The following RGS17 variants were observed in gnomAD, a reference collection of about 807,000 sequenced individuals.
RGS17 encodes regulator of G-protein signaling 17.
Under a neutral mutation model 25.5 loss-of-function variants are expected in RGS17, and 12 were observed. The ratio of observed to expected loss-of-function variants is 0.47; its 90% CI spans 0.30 to 0.76. RGS17 has a LOEUF of 0.76. RGS17 is among the 30% of genes least tolerant of loss of function. The probability of loss-of-function intolerance (pLI) is 0.07; values close to 1 mark genes in which losing one functional copy is unlikely to be tolerated. For missense variants in RGS17, 196 were observed against 242.2 expected (o/e 0.81, Z 1.27); for synonymous variants, 71 against 76.9 (o/e 0.92, Z 0.40).
rs561384330 is a variant in RGS17 at position 153,041,616 on chromosome 6, C to A, written c.119+2284G>T. On this transcript the variant is annotated intron_variant, in intron 2 of 4. Transcript: ENST00000206262. ...TCTATCTGTTCTGGTGTTTTAATCC[C>A]AAAGCAATTCAGAGATAAGTTTTGG... Among the ~76,000 whole-genome samples the A allele has an allele frequency of 2.0e-5, 3 of 152,268 alleles. No homozygotes were observed. In the East Asian group the frequency reaches 5.8e-4, roughly 29 times the overall value.
chr6:153,087,681 G>C (rs1173175680), intron 1 of RGS17, among the ~76,000 whole-genome samples: 1 of 152,142 alleles, frequency 6.6e-6, no homozygotes, highest in Non-Finnish European at 1.5e-5. Flanking sequence ...TCTCACCACT[G>C]TATGTTGGGT....
At chr6:153,031,652 G>A (rs1779364645) in intron 2 of RGS17, among the ~76,000 whole-genome samples, 1 of 152,204 alleles carries the variant, frequency 6.6e-6, no homozygotes, top group African/African-American at 2.4e-5. Flanking sequence ...ACTCTGCAAT[G>A]CCATTTCTCT....
intron 1 of RGS17, among the ~76,000 whole-genome samples, chr6:153,050,859 ATATTTGGAGATGGGG>A (rs1776452653): frequency 6.8e-6 from 1 of 148,044 alleles, no homozygotes; most frequent in African/African-American, 2.7e-5. Flanking sequence ...AAATGTAATG[ATATTTGGAGATGGGG>A]CCAAATATAA....
chr6:153,104,713 A>C (rs1308946850), intron 1 of RGS17, among the ~76,000 whole-genome samples: 1 of 151,970 alleles, frequency 6.6e-6, no homozygotes, highest in Non-Finnish European at 1.5e-5. Context: ...GGTTGGAAGG[A>C]GGAGGATGGG....
At chr6:153,112,665 G>A (rs559622397) in intron 1 of RGS17, among the ~76,000 whole-genome samples, 1 of 152,164 alleles carries the variant, frequency 6.6e-6, no homozygotes, top group East Asian at 1.9e-4. Context: ...GTTAAGGGCA[G>A]CCAGAGAAAA....
Position 153,018,797 on chromosome 6 carries a change from T to C in RGS17, c.444+5465A>G, listed in dbSNP as rs575446736. ...AGTCCAGTGCTTGGCTCATAGGAAA[T>C]AGTCAATATTTTTTGAATGATAATA... On this transcript the variant is annotated intron_variant, in intron 4 of 4. Transcript: ENST00000206262. Among the ~76,000 whole-genome samples, 18 of 152,308 alleles carry C rather than the reference T, an allele frequency of 1.2e-4. 1 individual carries two copies. The highest frequency in any genetic ancestry group is 9.8e-4 in the Admixed American group (15 of 15,296).
At chr6:153,123,239 T>C (rs1401943205) in intron 1 of RGS17, among the ~76,000 whole-genome samples, 1 of 152,108 alleles carries the variant, frequency 6.6e-6, no homozygotes, top group African/African-American at 2.4e-5. Context: ...GGTAAATTAC[T>C]GTATGGTAGT....
intron 1 of RGS17, 31 bp from the exon 2 acceptor site, chr6:153,044,074 G>GA: frequency 9.4e-7 from 1 of 1,064,494 alleles, no homozygotes; most frequent in Admixed American, 1.8e-5. Context: ...AATTGGGTAT[G>GA]AAAAAAGCAA....
In RGS17 at chr6:153,009,793, A is replaced by T. The variant is rs1016521884; in HGVS notation, c.*1781T>A. On this transcript the variant is annotated 3_prime_UTR_variant, in exon 5 of 5. Coordinates refer to ENST00000206262, the MANE Select transcript of RGS17 (RefSeq NM_012419.5). The stretch of plus-strand genomic sequence containing the variant: ...TACTCTGCAATTTTTAAAAAATCCC[A>T]TTTTGTCAAACACTGCAACAGTTAA... 5.3e-5 allele frequency: 8 copies of T among 152,068 alleles called. No homozygotes were observed. Among genetic ancestry groups the T allele is most frequent in the African/African-American group, 1.9e-4 (8 of 41,560 alleles). 9.4% of individuals were successfully genotyped at this position (152,068 alleles called of 1,614,324 possible).
chr6:153,130,481 C>CAT lies in RGS17; in HGVS notation c.-26+641_-26+642dup, dbSNP rs1222200040. On this transcript the variant is annotated intron_variant, in intron 1 of 4. Transcript: ENST00000206262. The surrounding 1 kb of genome is among the most constrained non-coding windows in gnomAD (Gnocchi z 6.4). ...CCCCCACCCCCTATACATACATACA[C>CAT]ATACACACACACACACACACACACA... Among the ~76,000 whole-genome samples, 5 of 114,070 alleles carry CAT rather than the reference C, an allele frequency of 4.4e-5. No homozygotes were observed. Among genetic ancestry groups the CAT allele is most frequent in the Non-Finnish European group, 7.3e-5 (4 of 54,664 alleles). The allele number at this position is 114,070 out of a possible 152,430, so 74.8% of individuals were successfully genotyped here. A position where few individuals can be genotyped will look rare whatever the true frequency, so the allele number is the denominator to read the frequency against.
Position 153,023,134 on chromosome 6 carries a change from G to A in RGS17, c.444+1128C>T, listed in dbSNP as rs188551896. ...TGTATATCTTATTAGAAGTGAAATC[G>A]TTTATGTAGCATTCCAAACTTAGAG... On this transcript the variant is annotated intron_variant, in intron 4 of 4. Coordinates refer to ENST00000206262, the MANE Select transcript of RGS17 (RefSeq NM_012419.5). Among the ~76,000 whole-genome samples, 27 of 152,176 alleles carry A rather than the reference G, an allele frequency of 1.8e-4. No individual in the cohort carries two copies. The East Asian group carries it at 3.7e-3, about 21-fold the overall frequency.
chr6:153,118,556 G>A (rs1215971287), intron 1 of RGS17, among the ~76,000 whole-genome samples: 1 of 152,062 alleles, frequency 6.6e-6, no homozygotes, highest in East Asian at 1.9e-4. Flanking sequence ...TAGCTAAAAC[G>A]TAGTGCTCCT....
At chr6:153,064,530 T>G (rs1246215038) in intron 1 of RGS17, among the ~76,000 whole-genome samples, 3 of 151,780 alleles carry the variant, frequency 2.0e-5, no homozygotes, top group Admixed American at 2.0e-4. Flanking sequence ...CTCGGCAGGC[T>G]GAGGCAGGAG....
intron 1 of RGS17, among the ~76,000 whole-genome samples, chr6:153,127,301 T>C (rs949746333): frequency 1.3e-5 from 2 of 152,232 alleles, no homozygotes; most frequent in Non-Finnish European, 2.9e-5. Flanking sequence ...TTCTAGAATA[T>C]GATTCAAATT....
intron 1 of RGS17, among the ~76,000 whole-genome samples, chr6:153,101,430 A>C (rs2129123468): frequency 6.6e-6 from 1 of 152,344 alleles, no homozygotes; most frequent in Non-Finnish European, 1.5e-5. Flanking sequence ...CATGGAGGCC[A>C]AGGGAAGACT....
intron 1 of RGS17, among the ~76,000 whole-genome samples, chr6:153,083,436 G>C (rs1039601312): frequency 6.6e-6 from 1 of 152,142 alleles, no homozygotes; most frequent in African/African-American, 2.4e-5. Context: ...CAGATTTATG[G>C]AGACAAACAT....
intron 1 of RGS17, among the ~76,000 whole-genome samples, chr6:153,121,327 T>G (rs1228493873): frequency 6.6e-6 from 1 of 152,198 alleles, no homozygotes; most frequent in Non-Finnish European, 1.5e-5. Context: ...CTCTGAACTC[T>G]ACTTTCAGGA....
chr6:153,128,194 C>T (rs182277259), intron 1 of RGS17, among the ~76,000 whole-genome samples: 9 of 152,166 alleles, frequency 5.9e-5, no homozygotes, highest in Non-Finnish European at 1.2e-4. Flanking sequence ...TATAATTTTA[C>T]GCCTCCACAA....
chr6:153,024,517 C>T (rs748576671), intron 3 of RGS17, 21 bp from the exon 4 acceptor site: 34 of 1,566,256 alleles, frequency 2.2e-5, no homozygotes, highest in Admixed American at 1.0e-4. Flanking sequence ...AGAACGGGGC[C>T]GTGATCAAAG....
Sources: allele counts gnomAD v4.1 joint callset (sites outside exome capture counted in the v4.1 genomes callset), GRCh38; gene constraint gnomAD v4.1.1; non-coding constraint Gnocchi (gnomAD v3.1); transcripts MANE v1.5; gene names NCBI Gene and HGNC (gene_info 2026-07-23, HGNC 2026-07-21).